Variants in RBFOX1 observed in about 807,000 individuals in gnomAD.
RBFOX1 encodes the protein RNA binding protein fox-1 homolog 1.
In RBFOX1, 8 loss-of-function variants were observed where a neutral mutation model predicts 57.7. That is an observed-to-expected ratio of 0.14 (90% CI 0.08 to 0.25). RBFOX1 has a LOEUF of 0.25. Among genes scored for constraint, RBFOX1 ranks in the 10% least tolerant of loss-of-function variants. RBFOX1 has a pLI of 1.00. For synonymous variants in RBFOX1, 326 were observed against 222.4 expected (o/e 1.47, Z -4.15); for missense variants, 611 against 548.5 (o/e 1.11, Z -1.14).
chr16:5,570,019 C>T (rs531880966), intron 2 of RBFOX1, among the ~76,000 whole-genome samples: 2 of 152,278 alleles, frequency 1.3e-5, no homozygotes, highest in South Asian at 4.2e-4. Flanking sequence ...ACTTTATCAG[C>T]CCTTTCGTGG....
At chr16:5,463,845 C>T (rs1369073182) in intron 1 of RBFOX1, among the ~76,000 whole-genome samples, 1 of 150,980 alleles carries the variant, frequency 6.6e-6, no homozygotes, top group East Asian at 1.9e-4. Context: ...TTCATGGCAA[C>T]AGCAAGATTA....
At chr16:7,450,236 A>G (rs927098362) in intron 4 of RBFOX1, among the ~76,000 whole-genome samples, 30 of 152,148 alleles carry the variant, frequency 2.0e-4, no homozygotes, top group African/African-American at 7.2e-4. Flanking sequence ...TGTAATAAAA[A>G]TACAAAAATT....
intron 5 of RBFOX1, among the ~76,000 whole-genome samples, chr16:7,535,765 C>T (rs2081321419): frequency 6.6e-6 from 1 of 152,180 alleles, no homozygotes; most frequent in Non-Finnish European, 1.5e-5. Flanking sequence ...ATTTTACAAC[C>T]ACTTAAAATT....
chr16:6,701,062 G>A (rs1268832605), intron 3 of RBFOX1, among the ~76,000 whole-genome samples: 5 of 152,080 alleles, frequency 3.3e-5, no homozygotes, highest in Non-Finnish European at 7.4e-5. Flanking sequence ...ACTATGATGT[G>A]AGCCTGGAAA....
chr16:7,110,235 G>A (rs971920824), intron 4 of RBFOX1, among the ~76,000 whole-genome samples: 1 of 150,860 alleles, frequency 6.6e-6, no homozygotes, highest in African/African-American at 2.4e-5. Context: ...CACCACCCTC[G>A]TGTAGTCCCA....
chr16:7,526,069 T>C (rs1330907579), intron 5 of RBFOX1, among the ~76,000 whole-genome samples: 2 of 152,202 alleles, frequency 1.3e-5, no homozygotes, highest in African/African-American at 4.8e-5. Context: ...TCCTGTCAGA[T>C]CAACAATGGC....
intron 3 of RBFOX1, chr16:6,773,863 G>A: frequency 1.5e-6 from 1 of 684,180 alleles, no homozygotes; most frequent in Non-Finnish European, 1.8e-6. Flanking sequence ...ATGTGTGGAT[G>A]TAGGGTGCGT....
At chr16:7,405,837 G>A (rs10852683) in intron 4 of RBFOX1, among the ~76,000 whole-genome samples, 118,611 of 151,934 alleles carry the variant, frequency 0.78, 46,704 homozygotes, top group Non-Finnish European at 0.83. Flanking sequence ...CATACCTGGA[G>A]CATTGAGATC....
intron 4 of RBFOX1, among the ~76,000 whole-genome samples, chr16:7,414,770 A>C (rs1176275076): frequency 3.3e-5 from 5 of 152,128 alleles, no homozygotes; most frequent in African/African-American, 1.2e-4. Context: ...GGCGTGTGCC[A>C]CCATGACTGG....
At chr16:7,444,469 A>G (rs1238048686) in intron 4 of RBFOX1, among the ~76,000 whole-genome samples, 1 of 152,198 alleles carries the variant, frequency 6.6e-6, no homozygotes, top group Non-Finnish European at 1.5e-5. Context: ...GCAGAAAGCA[A>G]AGGCAGCTTT....
intron 2 of RBFOX1, among the ~76,000 whole-genome samples, chr16:6,405,154 A>G (rs1354054389): frequency 6.6e-6 from 1 of 152,210 alleles, no homozygotes; most frequent in East Asian, 1.9e-4. Context: ...AGAAATGTCT[A>G]TCATTTCTAT....
At chr16:6,933,558 C>A (rs935644397) in intron 3 of RBFOX1, among the ~76,000 whole-genome samples, 1 of 152,124 alleles carries the variant, frequency 6.6e-6, no homozygotes, top group Non-Finnish European at 1.5e-5. Flanking sequence ...ACTAAAAATG[C>A]AAAAATTATC....
intron 1 of RBFOX1, among the ~76,000 whole-genome samples, chr16:5,418,904 A>G (rs994498404): frequency 6.6e-6 from 1 of 152,178 alleles, no homozygotes; most frequent in South Asian, 2.1e-4. Context: ...TTCCAAGCAA[A>G]CAATGCAGGA....
At chr16:6,354,181 G>A (rs901362350) in intron 2 of RBFOX1, among the ~76,000 whole-genome samples, 1 of 151,976 alleles carries the variant, frequency 6.6e-6, no homozygotes, top group Non-Finnish European at 1.5e-5. Flanking sequence ...GATCATGCTA[G>A]TGCACCCCAG....
chr16:6,966,761 GTCTATCTATCTATCTATCTATCTA>G (rs57023399), intron 3 of RBFOX1, among the ~76,000 whole-genome samples: 5 of 149,124 alleles, frequency 3.4e-5, no homozygotes, highest in South Asian at 2.2e-4. Flanking sequence ...CTGTCTGTCT[GTCTATCTATCTATCTATCTATCTA>G]TCTATCTGTC....
chr16:6,559,126 TG>T (rs1253009740), intron 2 of RBFOX1, among the ~76,000 whole-genome samples: 30 of 151,892 alleles, frequency 2.0e-4, no homozygotes, highest in African/African-American at 7.3e-4. Flanking sequence ...TGTGTGTGTG[TG>T]TGTGTGTATA....
At position 5,614,617 on chromosome 16, in the gene RBFOX1, C is replaced by G. The variant is rs141844881; in HGVS notation, c.318+15656C>G. On this transcript the variant is annotated intron_variant, in intron 3 of 19. Coordinates refer to the RBFOX1 transcript ENST00000641259. Reference sequence around the variant, plus strand: ...TATATTTATTATAGACGATACATCTCCCTGTTCATTTGCTCCATAATTCTG... The same window carrying G: ...TATATTTATTATAGACGATACATCTGCCTGTTCATTTGCTCCATAATTCTG... Among the ~76,000 whole-genome samples, 730 of 152,288 alleles carry G rather than the reference C, an allele frequency of 4.8e-3. 7 individuals are homozygous for G. Among genetic ancestry groups the G allele is most frequent in the African/African-American group, 0.017 (697 of 41,548 alleles).
intron 4 of RBFOX1, among the ~76,000 whole-genome samples, chr16:5,940,147 GA>G (rs945356129): frequency 2.6e-5 from 4 of 152,180 alleles, no homozygotes; most frequent in African/African-American, 9.7e-5. Flanking sequence ...AGACCATGGG[GA>G]AAAGGAGGAA....
At chr16:6,980,876 G>T (rs746898305) in intron 3 of RBFOX1, among the ~76,000 whole-genome samples, 1 of 151,698 alleles carries the variant, frequency 6.6e-6, no homozygotes, top group African/African-American at 2.4e-5. Context: ...AACCCCATCT[G>T]TACTAAAAAT....
Sources: gnomAD v4.1 joint callset for allele counts (sites outside exome capture counted in the v4.1 genomes callset) on GRCh38, gnomAD v4.1.1 for gene constraint, MANE v1.5 for transcripts, NCBI Gene and HGNC (gene_info 2026-07-23, HGNC 2026-07-21) for gene names.